The following SLC5A8 variants were observed in gnomAD, a reference collection of about 807,000 sequenced individuals.
SLC5A8 encodes solute carrier family 5 member 8.
A neutral mutation model predicts 71.9 loss-of-function variants in SLC5A8; 55 were observed. The observed-to-expected ratio is 0.77, with a 90% CI of 0.62 to 0.96. The LOEUF is 0.96. Ranked by LOEUF, SLC5A8 falls within the 40% of genes least tolerant of loss-of-function variation. The pLI is 0.00. For missense variants in SLC5A8, 701 were observed against 745.3 expected (o/e 0.94, Z 0.69); for synonymous variants, 307 against 276.1 (o/e 1.11, Z -1.11).
intron 5 of SLC5A8, among the ~76,000 whole-genome samples, chr12:101,190,938 A>G (rs1025131955): frequency 6.6e-6 from 1 of 152,206 alleles, no homozygotes; most frequent in African/African-American, 2.4e-5. Context: ...TCAGAGAAGA[A>G]CATGAAACAT....
At position 101,195,931 on chromosome 12, in the gene SLC5A8, G is replaced by C. The variant is rs562110554; in HGVS notation, c.470-769C>G. 9.1e-4 allele frequency among the ~76,000 whole-genome samples: 139 copies of C among 152,108 alleles called. 2 individuals carry two copies. Among genetic ancestry groups the C allele is most frequent in the African/African-American group, 3.2e-3 (132 of 41,492 alleles). On this transcript the variant is annotated intron_variant, in intron 3 of 14. Transcript: ENST00000536262. ...AGGATGGTCTCAATCGCCTGACTTC[G>C]TGATCCACCTGCCTTAGCCTCCCAA...
intron 9 of SLC5A8, among the ~76,000 whole-genome samples, chr12:101,180,345 T>C (rs2051920704): frequency 6.6e-6 from 1 of 152,088 alleles, no homozygotes; most frequent in Non-Finnish European, 1.5e-5. Context: ...AAGTAAAGAG[T>C]TCCTGGAATA....
intron 2 of SLC5A8, among the ~76,000 whole-genome samples, chr12:101,203,619 T>C (rs1030850880): frequency 2.0e-5 from 3 of 152,218 alleles, no homozygotes; most frequent in African/African-American, 7.2e-5. Context: ...AGTGCTGGGA[T>C]TACAGGCATG....
chr12:101,161,963 T>C lies in SLC5A8; in HGVS notation c.1630+11A>G. On this transcript the variant is annotated intron_variant, in intron 13 of 14. Transcript: ENST00000536262. ...AGGTAAATACAACAATACTAATGTT[T>C]AGATAGTTACCTGTTGATAAACTGA... is the stretch of plus-strand genomic sequence containing the variant. The C allele has an allele frequency of 6.4e-7, 1 of 1,566,980 alleles. No homozygotes were observed. Among genetic ancestry groups the C allele is most frequent in the Non-Finnish European group, 8.8e-7 (1 of 1,137,288 alleles).
At chr12:101,202,099 AAAT>A in intron 3 of SLC5A8, 62 bp downstream of exon 3, 1 of 1,494,024 alleles carries the variant, frequency 6.7e-7, no homozygotes, top group South Asian at 1.2e-5. Context: ...CCCAAGGAGA[AAAT>A]AAGGCTTGTT....
At chr12:101,185,412 C>A (rs538711383) in intron 7 of SLC5A8, among the ~76,000 whole-genome samples, 1 of 152,092 alleles carries the variant, frequency 6.6e-6, no homozygotes, top group Admixed American at 6.5e-5. Context: ...GTAATTATTT[C>A]GTATCTGAGT....
chr12:101,202,719 A>G (rs1869510775), intron 2 of SLC5A8, among the ~76,000 whole-genome samples: 1 of 152,206 alleles, frequency 6.6e-6, no homozygotes. Flanking sequence ...AAATCCTGAA[A>G]GCCAATGAAA....
chr12:101,158,562 C>T (rs1442060759), intron 13 of SLC5A8, among the ~76,000 whole-genome samples: 1 of 32,106 alleles, frequency 3.1e-5, no homozygotes, highest in African/African-American at 1.1e-4. Flanking sequence ...CTCTCTCTCT[C>T]TCTCTCTCTC....
At chr12:101,208,439 G>A (rs1869766096) in intron 1 of SLC5A8, among the ~76,000 whole-genome samples, 1 of 152,168 alleles carries the variant, frequency 6.6e-6, no homozygotes, top group African/African-American at 2.4e-5. Context: ...ACTTCTGCAG[G>A]CTTGTCCCAT....
rs769567559 is a variant in SLC5A8 at position 101,187,376 on chromosome 12, G to A, written c.963+10C>T. 1 of 1,608,102 alleles carries A rather than the reference G, an allele frequency of 6.2e-7. No individual in the cohort carries two copies. Among genetic ancestry groups the A allele is most frequent in the African/African-American group, 1.3e-5 (1 of 74,658 alleles). On this transcript the variant is annotated intron_variant, in intron 7 of 14. Transcript: ENST00000536262. ...ATTAATACACCTGTAAGAAAGACAT[G>A]GTACTGAACCTGGTCTGGTGCAGAC...
At chr12:101,202,983 C>A (rs1016012725) in intron 2 of SLC5A8, among the ~76,000 whole-genome samples, 2 of 152,158 alleles carry the variant, frequency 1.3e-5, no homozygotes, top group Non-Finnish European at 2.9e-5. Flanking sequence ...GCTATGAAGT[C>A]CTTCAAATGG....
rs1180257373 is a variant in SLC5A8, at chr12:101,209,983, G to A, written c.-135C>T. On this transcript the variant is annotated 5_prime_UTR_variant, in exon 1 of 15. Coordinates refer to ENST00000536262, the MANE Select transcript of SLC5A8 (RefSeq NM_145913.5). ...CCGCGGGGACTGGAGGCGTCCTCCA[G>A]GTGTCGGCCTCCGAACGCACCCCGA... 1 of 762,768 alleles carries A rather than the reference G, an allele frequency of 1.3e-6. No homozygotes were observed. Among genetic ancestry groups the A allele is most frequent in the Non-Finnish European group, 1.9e-6 (1 of 513,440 alleles). The allele number at this position is 762,768 out of a possible 1,614,324, so 47.2% of individuals were successfully genotyped here. A position where few individuals can be genotyped will look rare whatever the true frequency, so the allele number is the denominator to read the frequency against.
rs1240683487 is a variant in SLC5A8 at position 101,193,682 on chromosome 12, C to A, written c.635G>T (p.Gly212Val). The change falls in exon 5 of 15, where the codon GGT becomes GTT. Residue 212 changes from glycine (G) to valine (V), a missense_variant. Coordinates refer to ENST00000536262, the MANE Select transcript of SLC5A8 (RefSeq NM_145913.5). The part of the protein sequence containing the change: ...SVIIQAVVMQ[G>V]GISTILNDAY... ...ATCATTTAAAATAGTGCTGATTCCA[C>A]CTTGCATCACCACAGCCTGTATAAT... The A allele has an allele frequency of 1.2e-6, 2 of 1,614,172 alleles. No homozygotes were observed. The highest frequency in any genetic ancestry group is 1.7e-6 in the Non-Finnish European group (2 of 1,180,014).
At position 101,176,071 on chromosome 12, in the gene SLC5A8, A is replaced by T. The variant is rs1003359257; in HGVS notation, c.1233+3958T>A. On this transcript the variant is annotated intron_variant, in intron 10 of 14. Transcript: ENST00000536262. ...ACAGAGATTGACAGGATGGATTTTT[A>T]AAAAAGACTCAACTGTGTGCTGTCT... Among the ~76,000 whole-genome samples the T allele has an allele frequency of 4.1e-4, 62 of 152,192 alleles. 1 individual carries two copies. Among genetic ancestry groups the T allele is most frequent in the African/African-American group, 1.3e-3 (52 of 41,560 alleles).
At chr12:101,193,847 C>T (rs999538407) in intron 4 of SLC5A8, 68 bp from the exon 5 acceptor site, 20 of 1,493,992 alleles carry the variant, frequency 1.3e-5, no homozygotes, top group Non-Finnish European at 1.5e-5. Flanking sequence ...CACACTTATA[C>T]ACTATACTGG....
At chr12:101,162,132 C>A in intron 12 of SLC5A8, 55 bp from the exon 13 acceptor site, 1 of 1,091,644 alleles carries the variant, frequency 9.2e-7, no homozygotes. Flanking sequence ...TAGCAACTAC[C>A]AGTATATACC....
intron 10 of SLC5A8, among the ~76,000 whole-genome samples, chr12:101,177,006 A>G (rs570207483): frequency 2.0e-5 from 3 of 152,240 alleles, no homozygotes; most frequent in South Asian, 2.1e-4. Context: ...GAAAACATCA[A>G]TGAAATTGAC....
chr12:101,195,156 C>T lies in SLC5A8; in HGVS notation c.476G>A (p.Gly159Glu). The change falls in exon 4 of 15, where the codon GGA becomes GAA. Residue 159 changes from glycine to glutamate, a missense_variant. Coordinates refer to ENST00000536262, the MANE Select transcript of SLC5A8 (RefSeq NM_145913.5). Reference sequence around the variant, plus strand: ...CACTACCGCGCCCCACAGATCAAATCCTGTGACTGTAGAAAAAAATAGAAT... The same window carrying T: ...CACTACCGCGCCCCACAGATCAAATTCTGTGACTGTAGAAAAAAATAGAAT... ...APALALNQVT[G>E]FDLWGAVVAT... The T allele has an allele frequency of 6.2e-7, 1 of 1,613,992 alleles. No homozygotes were observed. Among genetic ancestry groups the T allele is most frequent in the African/African-American group, 1.3e-5 (1 of 75,006 alleles).
intron 12 of SLC5A8, among the ~76,000 whole-genome samples, 193 bp from the exon 13 acceptor site, chr12:101,162,270 ATACTT>A (rs2051731030): frequency 1.3e-5 from 2 of 152,256 alleles, no homozygotes; most frequent in Admixed American, 1.3e-4. Context: ...ATATACTAAA[ATACTT>A]GAAGGTCATG....
Sources: allele counts gnomAD v4.1 joint callset (sites outside exome capture counted in the v4.1 genomes callset), GRCh38; gene constraint gnomAD v4.1.1; transcripts MANE v1.5; gene names NCBI Gene and HGNC (gene_info 2026-07-23, HGNC 2026-07-21).